Variants in SINHCAF observed in about 807,000 individuals in gnomAD.
SINHCAF encodes SIN3-HDAC complex associated factor, also known as SIN3-HDAC complex-associated factor.
Under a neutral mutation model 25.8 loss-of-function variants are expected in SINHCAF, and 3 were observed. The observed-to-expected ratio is 0.12, with a 90% CI of 0.05 to 0.30. The LOEUF (loss-of-function observed/expected upper bound fraction) is 0.30. SINHCAF is among the 10% of genes least tolerant of loss of function. SINHCAF has a pLI of 1.00. For synonymous variants in SINHCAF, 70 were observed against 85.5 expected, an observed-to-expected ratio of 0.82 and a Z score of 1.00; for missense variants, 121 against 262.3, an observed-to-expected ratio of 0.46 and a Z score of 3.72.
chr12:31,300,775 C>G (rs1938757758), intron 1 of SINHCAF, among the ~76,000 whole-genome samples: 1 of 152,128 alleles, frequency 6.6e-6, no homozygotes, highest in African/African-American at 2.4e-5. Flanking sequence ...GTCCTCACAC[C>G]ACCCTGCGCT....
At chr12:31,319,609 G>T (rs1939622369) in intron 1 of SINHCAF, among the ~76,000 whole-genome samples, 1 of 152,202 alleles carries the variant, frequency 6.6e-6, no homozygotes, top group South Asian at 2.1e-4. Context: ...TCGGCACAAG[G>T]TATGCACTCA....
At chr12:31,321,246 T>G (rs1054878647) in intron 1 of SINHCAF, among the ~76,000 whole-genome samples, 3 of 152,124 alleles carry the variant, frequency 2.0e-5, no homozygotes, top group Non-Finnish European at 4.4e-5. Flanking sequence ...TACAAGACAA[T>G]CTTGTGGACA....
Position 31,325,348 on chromosome 12 carries a change from C to G in SINHCAF, c.-21+676G>C. ...AGCGACCGCGTGTTGCTCTCATTGT[C>G]GCATCCGCATCCCTCCGGAGTTGAG... On this transcript the variant is annotated intron_variant, in intron 1 of 5. Coordinates refer to ENST00000337682, the MANE Select transcript of SINHCAF (RefSeq NM_001135812.2). This position sits in a 1 kb window ranked among gnomAD's most constrained non-coding sequence, Gnocchi z 5.9. The G allele has an allele frequency of 2.4e-6, 1 of 413,728 alleles. No individual in the cohort carries two copies. Among genetic ancestry groups the G allele is most frequent in the South Asian group, 1.7e-5 (1 of 57,950 alleles). 25.6% of individuals were successfully genotyped at this position (413,728 alleles called of 1,614,324 possible).
At chr12:31,307,996 C>G (rs1005958276) in intron 1 of SINHCAF, among the ~76,000 whole-genome samples, 2 of 152,178 alleles carry the variant, frequency 1.3e-5, no homozygotes, top group African/African-American at 4.8e-5. Context: ...GTCACTTAGG[C>G]TGGAATGCAG....
rs541971659 is a variant in SINHCAF, at chr12:31,289,867, C to G, written c.356-2083G>C. On this transcript the variant is annotated intron_variant, in intron 4 of 5. Transcript: ENST00000337682. ...TGAGACCGGATCTCACTCTGTCACC[C>G]AGGCTGAAGTGCAGTGGCATGACCA... Among the ~76,000 whole-genome samples, 24 of 151,878 alleles carry G rather than the reference C, an allele frequency of 1.6e-4. 1 individual carries two copies. The highest frequency in any genetic ancestry group is 5.8e-4 in the African/African-American group (24 of 41,402).
At chr12:31,317,942 G>A (rs1452342018) in intron 1 of SINHCAF, among the ~76,000 whole-genome samples, 1 of 152,174 alleles carries the variant, frequency 6.6e-6, no homozygotes, top group Non-Finnish European at 1.5e-5. Context: ...CATTTCTTTA[G>A]AGCCAAACTA....
chr12:31,309,168 A>G (rs559568337), intron 1 of SINHCAF, among the ~76,000 whole-genome samples: 3 of 150,006 alleles, frequency 2.0e-5, no homozygotes, highest in Non-Finnish European at 4.4e-5. Flanking sequence ...ATCATCCTTG[A>G]TATTTGGTAT....
At chr12:31,300,872 T>A (rs542102394) in intron 1 of SINHCAF, among the ~76,000 whole-genome samples, 54 of 152,240 alleles carry the variant, frequency 3.5e-4, no homozygotes, top group Admixed American at 3.0e-3. Context: ...CATCCATAAC[T>A]CTTGGAAACT....
intron 1 of SINHCAF, among the ~76,000 whole-genome samples, chr12:31,323,506 T>G (rs75950989): frequency 0.014 from 2,110 of 152,250 alleles, 44 homozygotes; most frequent in African/African-American, 0.048. Context: ...CTGTCTCGGA[T>G]AGGGTCCCTG....
At chr12:31,318,463 A>C (rs1313079006) in intron 1 of SINHCAF, among the ~76,000 whole-genome samples, 1 of 152,226 alleles carries the variant, frequency 6.6e-6, no homozygotes, top group Non-Finnish European at 1.5e-5. Context: ...AGCATTTATA[A>C]CTGTGGCTGT....
At chr12:31,322,170 T>C (rs1022189257) in intron 1 of SINHCAF, among the ~76,000 whole-genome samples, 1 of 152,222 alleles carries the variant, frequency 6.6e-6, no homozygotes, top group Non-Finnish European at 1.5e-5. Flanking sequence ...AGACCTTGTC[T>C]GTGGGTCTTT....
At chr12:31,286,455 A>AG (rs1938071056) in intron 5 of SINHCAF, among the ~76,000 whole-genome samples, 1 of 152,144 alleles carries the variant, frequency 6.6e-6, no homozygotes, top group African/African-American at 2.4e-5. Context: ...TAAGGTCAGG[A>AG]GTTCGAGACC....
At chr12:31,312,811 G>A (rs576837215) in intron 1 of SINHCAF, among the ~76,000 whole-genome samples, 28 of 152,096 alleles carry the variant, frequency 1.8e-4, no homozygotes, top group Non-Finnish European at 2.5e-4. Context: ...CTCTTTTTGC[G>A]TCCTGATTAA....
At chr12:31,316,924 G>A (rs1210170990) in intron 1 of SINHCAF, among the ~76,000 whole-genome samples, 8 of 152,152 alleles carry the variant, frequency 5.3e-5, no homozygotes, top group Non-Finnish European at 1.0e-4. Context: ...AGGATATGGA[G>A]AGGGTTCTTA....
At chr12:31,322,552 C>T (rs1442323843) in intron 1 of SINHCAF, among the ~76,000 whole-genome samples, 5 of 147,876 alleles carry the variant, frequency 3.4e-5, no homozygotes, top group Non-Finnish European at 6.0e-5. Flanking sequence ...AAAATAGGTC[C>T]AAAGTTTTTC....
intron 1 of SINHCAF, among the ~76,000 whole-genome samples, chr12:31,307,141 A>G (rs1191653511): frequency 6.6e-6 from 1 of 152,164 alleles, no homozygotes; most frequent in Non-Finnish European, 1.5e-5. Flanking sequence ...TAATCCTAGC[A>G]CTTTGTGGTC....
intron 1 of SINHCAF, among the ~76,000 whole-genome samples, chr12:31,319,087 G>A (rs1489231398): frequency 6.6e-6 from 1 of 152,172 alleles, no homozygotes; most frequent in Non-Finnish European, 1.5e-5. Context: ...GTCATGAAAA[G>A]CCCCATATAC....
chr12:31,294,674 A>AT (rs1938476242), intron 3 of SINHCAF, among the ~76,000 whole-genome samples: 1 of 152,232 alleles, frequency 6.6e-6, no homozygotes, highest in Admixed American at 6.5e-5. Flanking sequence ...TTATAATAAC[A>AT]TAACACTGTC....
At position 31,324,297 on chromosome 12, in the gene SINHCAF, A is replaced by C; in HGVS notation, c.-21+1727T>G. The C allele has an allele frequency of 6.0e-6, 1 of 166,582 alleles. No homozygotes were observed. The highest frequency in any genetic ancestry group is 1.2e-5 in the Non-Finnish European group (1 of 80,022). 10.3% of individuals were successfully genotyped at this position (166,582 alleles called of 1,614,324 possible). On this transcript the variant is annotated intron_variant, in intron 1 of 5. Coordinates refer to ENST00000337682, the MANE Select transcript of SINHCAF (RefSeq NM_001135812.2). The surrounding 1 kb of genome is among the most constrained non-coding windows in gnomAD (Gnocchi z 5.5). ...GGCAACAGTTCGACTTCAAAGGCGA[A>C]CCCACAGACCTCCCAGACACAGGCT...
Sources: gnomAD v4.1 joint callset for allele counts (sites outside exome capture counted in the v4.1 genomes callset) on GRCh38, gnomAD v4.1.1 for gene constraint, Gnocchi (gnomAD v3.1) non-coding constraint, MANE v1.5 for transcripts, NCBI Gene and HGNC (gene_info 2026-07-23, HGNC 2026-07-21) for gene names.